The following DST variants were observed in gnomAD, a reference collection of about 807,000 sequenced individuals.
DST encodes the protein bullous pemphigoid antigen.
Under a neutral mutation model 875.2 loss-of-function variants are expected in DST, and 253 were observed. The observed-to-expected ratio is 0.29, with a 90% CI of 0.26 to 0.32. The LOEUF (loss-of-function observed/expected upper bound fraction) is 0.32. Ranked by LOEUF, DST falls within the 10% of genes least tolerant of loss-of-function variation. DST has a pLI of 1.00. For synonymous variants in DST, 3,124 were observed against 3,197.1 expected (o/e 0.98, Z 0.77); for missense variants, 8,287 against 9,111.6 (o/e 0.91, Z 3.68).
intron 2 of DST, among the ~76,000 whole-genome samples, chr6:56,940,866 A>C (rs956925800): frequency 2.0e-5 from 3 of 152,062 alleles, no homozygotes; most frequent in Non-Finnish European, 2.9e-5. Context: ...CTGAGATTAG[A>C]GGCATGAGCC....
chr6:56,544,433 A>G (rs1410725459), intron 61 of DST, among the ~76,000 whole-genome samples: 1 of 152,236 alleles, frequency 6.6e-6, no homozygotes, highest in Non-Finnish European at 1.5e-5. Context: ...TGAAAAGCTA[A>G]GAGGAGCAAC....
intron 4 of DST, among the ~76,000 whole-genome samples, chr6:56,837,672 C>T (rs895609968): frequency 6.6e-6 from 1 of 152,148 alleles, no homozygotes; most frequent in African/African-American, 2.4e-5. Flanking sequence ...TTCCCTGAAA[C>T]CTGCGGTGCA....
intron 61 of DST, among the ~76,000 whole-genome samples, chr6:56,549,140 GA>G (rs1353656941): frequency 6.6e-6 from 1 of 152,146 alleles, no homozygotes; most frequent in Non-Finnish European, 1.5e-5. Context: ...CGGGTCCAGT[GA>G]ATAGAAGGCA....
chr6:56,763,324 G>A (rs973734268), intron 4 of DST, among the ~76,000 whole-genome samples: 2 of 152,044 alleles, frequency 1.3e-5, no homozygotes, highest in Non-Finnish European at 2.9e-5. Flanking sequence ...GCTTCTTTAT[G>A]CCTGGATCAA....
chr6:56,768,847 G>T (rs1427596201), intron 4 of DST, among the ~76,000 whole-genome samples: 1 of 152,110 alleles, frequency 6.6e-6, no homozygotes, highest in African/African-American at 2.4e-5. Flanking sequence ...AAGGCAGGCG[G>T]ATCAAGAGGT....
Position 56,517,274 on chromosome 6 carries a change from T to G in DST, c.18281A>C (p.Asp6094Ala). The G allele has an allele frequency of 3.1e-6, 5 of 1,612,784 alleles. No homozygotes were observed. Among genetic ancestry groups the G allele is most frequent in the Non-Finnish European group, 4.2e-6 (5 of 1,179,342 alleles). The change falls in exon 71 of 104, where the codon GAT (aspartate) becomes GCT (alanine). Residue 6094 changes from aspartate to alanine, a missense_variant. Asp to Ala is a moderately radical substitution (Grantham distance 126, BLOSUM62 -2). Transcript: ENST00000680361. ...AGATTTAACAAGGTCATCAATAATA[T>G]CCTTGTGTCTCAAAATCTCCATGGT... ...TFTMEILRHK[D>A]IIDDLVKSGH...
At chr6:56,892,708 T>C (rs1267997723) in intron 3 of DST, among the ~76,000 whole-genome samples, 2 of 151,980 alleles carry the variant, frequency 1.3e-5, no homozygotes, top group African/African-American at 4.8e-5. Flanking sequence ...GGGGTGGGGG[T>C]CCCCTCTTTG....
At position 56,578,952 on chromosome 6, in the gene DST, G is replaced by A. The variant is rs772977828; in HGVS notation, c.12904-15C>T. 1.1e-5 allele frequency: 18 copies of A among 1,569,672 alleles called. No individual in the cohort carries two copies. The highest frequency in any genetic ancestry group is 3.3e-4 in the Middle Eastern group (2 of 5,986). On this transcript the variant is annotated splice_polypyrimidine_tract_variant and intron_variant, in intron 49 of 103. Coordinates refer to ENST00000680361, the MANE Select transcript of DST (RefSeq NM_001374736.1). ...CCTTGCAAAGCCTGTAGGATTAAAC[G>A]CTTTTCAATTATACTCAGCAGGACT...
intron 4 of DST, among the ~76,000 whole-genome samples, chr6:56,751,344 G>A (rs2099586327): frequency 6.6e-6 from 1 of 152,032 alleles, no homozygotes; most frequent in Non-Finnish European, 1.5e-5. Context: ...ATTATAAGGG[G>A]ATATGCCAAT....
At chr6:56,950,194 C>G (rs1444735152) in intron 2 of DST, among the ~76,000 whole-genome samples, 1 of 152,242 alleles carries the variant, frequency 6.6e-6, no homozygotes, top group African/African-American at 2.4e-5. Flanking sequence ...TCTTTTGGTT[C>G]CTTTGCCTGA....
rs754634085 is a variant in DST at position 56,779,744 on chromosome 6, C to CT, written c.626-44456dup. Among the ~76,000 whole-genome samples, 456 of 148,698 alleles carry CT rather than the reference C, an allele frequency of 3.1e-3. 3 individuals are homozygous for CT. Among genetic ancestry groups the CT allele is most frequent in the Middle Eastern group, 6.9e-3 (2 of 288 alleles). ...ATTCTTTTTTTTTTTTAATATTATA[C>CT]TTTAAGTTTTAGGGTACATGTGCAC... On this transcript the variant is annotated intron_variant, in intron 4 of 103. Transcript: ENST00000680361.
chr6:56,790,822 T>G (rs1048801455), intron 4 of DST, among the ~76,000 whole-genome samples: 3 of 152,260 alleles, frequency 2.0e-5, no homozygotes, highest in Non-Finnish European at 4.4e-5. Flanking sequence ...GTGATTATAC[T>G]GACCAAATAC....
intron 4 of DST, among the ~76,000 whole-genome samples, chr6:56,770,112 G>A (rs2152976009): frequency 6.6e-6 from 1 of 152,262 alleles, no homozygotes; most frequent in Non-Finnish European, 1.5e-5. Context: ...CCATTCTGGT[G>A]TTATAACTTA....
At chr6:56,708,892 T>A (rs1167070228) in intron 5 of DST, among the ~76,000 whole-genome samples, 1 of 152,170 alleles carries the variant, frequency 6.6e-6, no homozygotes, top group Non-Finnish European at 1.5e-5. Context: ...CCTGGTAACT[T>A]TCCTTCACAG....
chr6:56,911,559 C>G (rs1411842521), intron 2 of DST, among the ~76,000 whole-genome samples: 1 of 152,198 alleles, frequency 6.6e-6, no homozygotes, highest in African/African-American at 2.4e-5. Flanking sequence ...GGCCTTTAAT[C>G]TGTAACCAAC....
At chr6:56,587,882 C>T (rs9367695) in intron 49 of DST, among the ~76,000 whole-genome samples, 3 of 151,668 alleles carry the variant, frequency 2.0e-5, no homozygotes, top group South Asian at 2.1e-4. Context: ...GTCACCACCA[C>T]GCCTGCCCTA....
chr6:56,907,384 T>A (rs567137342), intron 2 of DST, among the ~76,000 whole-genome samples: 1 of 152,350 alleles, frequency 6.6e-6, no homozygotes, highest in African/African-American at 2.4e-5. Context: ...CCAGGCTGTT[T>A]GGTTGTGTAT....
At chr6:56,883,701 T>C (rs62411410) in intron 3 of DST, among the ~76,000 whole-genome samples, 50,170 of 151,954 alleles carry the variant, frequency 0.33, 9,595 homozygotes, top group African/African-American at 0.53. Flanking sequence ...GCCATTTACA[T>C]GCCCAGCTTG....
At chr6:56,922,626 G>T (rs1562414891) in intron 2 of DST, among the ~76,000 whole-genome samples, 1 of 152,024 alleles carries the variant, frequency 6.6e-6, no homozygotes, top group Non-Finnish European at 1.5e-5. Context: ...GCAAAATGGG[G>T]CCCCAATTTG....
Sources: gnomAD v4.1 joint callset for allele counts (sites outside exome capture counted in the v4.1 genomes callset) on GRCh38, gnomAD v4.1.1 for gene constraint, MANE v1.5 for transcripts, NCBI Gene and HGNC (gene_info 2026-07-23, HGNC 2026-07-21) for gene names.